The following PPP4R4 variants were observed in gnomAD, a reference collection of about 807,000 sequenced individuals.
PPP4R4 encodes protein phosphatase 4 regulatory subunit 4, also known as serine/threonine-protein phosphatase 4 regulatory subunit 4.
Under a neutral mutation model 121.8 loss-of-function variants are expected in PPP4R4, and 70 were observed. The ratio of observed to expected loss-of-function variants is 0.57; its 90% CI spans 0.47 to 0.70. PPP4R4 has a LOEUF of 0.70. Ranked by LOEUF, PPP4R4 falls within the 30% of genes least tolerant of loss-of-function variation. PPP4R4 has a pLI of 0.00. For missense variants in PPP4R4, 875 were observed against 1,033.6 expected (o/e 0.85, Z 2.10); for synonymous variants, 348 against 355.7 (o/e 0.98, Z 0.24).
At chr14:94,183,983 T>C (rs1889126228) in intron 2 of PPP4R4, among the ~76,000 whole-genome samples, 1 of 152,162 alleles carries the variant, frequency 6.6e-6, no homozygotes, top group African/African-American at 2.4e-5. Context: ...AATCATATTA[T>C]AACATATGTA....
chr14:94,221,972 T>A (rs1182566592), intron 3 of PPP4R4, among the ~76,000 whole-genome samples: 1 of 152,056 alleles, frequency 6.6e-6, no homozygotes, highest in Admixed American at 6.6e-5. Context: ...GATGGATAAG[T>A]CAATTGTGGT....
intron 2 of PPP4R4, among the ~76,000 whole-genome samples, chr14:94,185,918 C>T (rs1889251915): frequency 6.6e-6 from 1 of 152,136 alleles, no homozygotes; most frequent in Non-Finnish European, 1.5e-5. Context: ...TCATCACCCC[C>T]ACAAAAGCCA....
rs117530439 is a variant in PPP4R4 at position 94,228,880 on chromosome 14, G to C, written c.295-1707G>C. ...GTAATGAATAAACTGGTAAAGGGGG[G>C]TAGTGAGAACTGGGATAAGGAGGTG... is the stretch of plus-strand genomic sequence containing the variant. On this transcript the variant is annotated intron_variant, in intron 3 of 24. Coordinates refer to ENST00000304338, the MANE Select transcript of PPP4R4 (RefSeq NM_058237.2). 5.0e-3 allele frequency among the ~76,000 whole-genome samples: 764 copies of C among 152,250 alleles called. 2 individuals are homozygous for C. The highest frequency in any genetic ancestry group is 8.5e-3 in the South Asian group (41 of 4,830).
intron 3 of PPP4R4, among the ~76,000 whole-genome samples, chr14:94,225,676 A>G (rs557595946): frequency 6.6e-6 from 1 of 152,340 alleles, no homozygotes; most frequent in African/African-American, 2.4e-5. Context: ...TATAGTCAAC[A>G]GGAATCACTG....
intron 2 of PPP4R4, among the ~76,000 whole-genome samples, chr14:94,188,926 C>A (rs1889443930): frequency 1.3e-5 from 2 of 152,028 alleles, no homozygotes; most frequent in African/African-American, 4.8e-5. Context: ...GAATATGCAG[C>A]ATTTTTGTCA....
intron 2 of PPP4R4, 67 bp from the exon 3 acceptor site, chr14:94,208,397 T>A (rs1224551416): frequency 8.3e-7 from 1 of 1,210,558 alleles, no homozygotes. Flanking sequence ...TAGTCCATAC[T>A]TTTTATAACT....
At chr14:94,249,825 C>T (rs1893086448) in intron 14 of PPP4R4, among the ~76,000 whole-genome samples, 1 of 151,870 alleles carries the variant, frequency 6.6e-6, no homozygotes, top group Admixed American at 6.6e-5. Flanking sequence ...CATGTTATAG[C>T]AAATGTTTGT....
rs1251506476 is a variant in PPP4R4 at position 94,230,589 on chromosome 14, A to C, written c.297A>C (p.Glu99Asp). 1.2e-6 allele frequency: 2 copies of C among 1,609,654 alleles called. No homozygotes were observed. Among genetic ancestry groups the C allele is most frequent in the Admixed American group, 3.4e-5 (2 of 59,660 alleles). Residue 99 changes from glutamate to aspartate, a missense_variant and splice_region_variant, in exon 4 of 25, where the codon GAA becomes GAC. By Grantham distance (45) the Glu-to-Asp change is conservative. Transcript: ENST00000304338. ...GCAAACTCTTTCTGATTATACAGGA[A>C]GCCCTGCATGTTGCAGGAGTGGAAA... ...TLRRVLPKVR[E>D]ALHVAGVEMQ...
intron 22 of PPP4R4, 46 bp from the exon 23 acceptor site, chr14:94,266,913 A>T (rs1249424149): frequency 8.0e-7 from 1 of 1,249,122 alleles, no homozygotes; most frequent in Non-Finnish European, 1.2e-6. Flanking sequence ...CTGAGATTGT[A>T]AGAAGTGTGT....
intron 2 of PPP4R4, among the ~76,000 whole-genome samples, chr14:94,180,469 A>G (rs1258649406): frequency 6.6e-6 from 1 of 152,156 alleles, no homozygotes; most frequent in Non-Finnish European, 1.5e-5. Context: ...TAATGTACTG[A>G]GACTAGCTTT....
intron 3 of PPP4R4, among the ~76,000 whole-genome samples, chr14:94,213,476 C>T (rs1345109241): frequency 1.3e-5 from 2 of 152,124 alleles, no homozygotes; most frequent in Non-Finnish European, 2.9e-5. Flanking sequence ...AGATATTGGG[C>T]CCTAATCCCT....
At chr14:94,230,950 A>T (rs1892000676) in intron 4 of PPP4R4, among the ~76,000 whole-genome samples, 2 of 152,198 alleles carry the variant, frequency 1.3e-5, no homozygotes, top group South Asian at 4.1e-4. Context: ...AATTCATCTT[A>T]TGATTTATAC....
At position 94,176,141 on chromosome 14, in the gene PPP4R4, T is replaced by C; in HGVS notation, c.191+14T>C. The C allele has an allele frequency of 6.3e-7, 1 of 1,590,206 alleles. No homozygotes were observed. The highest frequency in any genetic ancestry group is 1.1e-5 in the South Asian group (1 of 90,614). On this transcript the variant is annotated intron_variant, in intron 2 of 24. Coordinates refer to ENST00000304338, the MANE Select transcript of PPP4R4 (RefSeq NM_058237.2). ...TTATCTGCTCAGGTATTTCCTAGTC[T>C]TTCTGTGAAATTGCTCTTCTTTTTT...
chr14:94,258,723 G>T (rs866520826), intron 17 of PPP4R4, 60 bp from the exon 18 acceptor site: 7 of 1,267,272 alleles, frequency 5.5e-6, no homozygotes, highest in African/African-American at 1.5e-5. Flanking sequence ...AAGTTGCTGA[G>T]AAATGATTGG....
In PPP4R4 at chr14:94,223,044, G is replaced by C. The variant is rs1000223079; in HGVS notation, c.295-7543G>C. Reference sequence around the variant, plus strand: ...TTATTTTGATTATTGTATTTATCTAGTCTAGAATTTCCATTTAGCTTTTTA... The same window carrying C: ...TTATTTTGATTATTGTATTTATCTACTCTAGAATTTCCATTTAGCTTTTTA... On this transcript the variant is annotated intron_variant, in intron 3 of 24. Transcript: ENST00000304338. Among the ~76,000 whole-genome samples, 4 of 151,604 alleles carry C rather than the reference G, an allele frequency of 2.6e-5. No individual in the cohort carries two copies. The South Asian group carries it at 8.3e-4, about 32-fold the overall frequency.
At position 94,241,872 on chromosome 14, in the gene PPP4R4, A is replaced by G; in HGVS notation, c.1061A>G (p.His354Arg). 6 of 1,610,396 alleles carry G rather than the reference A, an allele frequency of 3.7e-6. No homozygotes were observed. Among genetic ancestry groups the G allele is most frequent in the Non-Finnish European group, 5.1e-6 (6 of 1,177,838 alleles). Residue 354 changes from histidine to arginine, a missense_variant, in exon 10 of 25, where the codon CAC (histidine) becomes CGC (arginine). Coordinates refer to ENST00000304338, the MANE Select transcript of PPP4R4 (RefSeq NM_058237.2). Reference protein sequence around the residue: ...CTLGLQQENGHNENQIPPQIL... With the variant: ...CTLGLQQENGRNENQIPPQIL... ...TTGGGTTTGCAACAAGAAAATGGAC[A>G]CAATGAAAACCAGATTCCACCCCAA...
At chr14:94,277,890 G>A (rs1296334818) in intron 24 of PPP4R4, among the ~76,000 whole-genome samples, 1 of 152,106 alleles carries the variant, frequency 6.6e-6, no homozygotes, top group African/African-American at 2.4e-5. Flanking sequence ...TCTAAAGGAG[G>A]GACGTTGATA....
chr14:94,178,234 C>T (rs1468227010), intron 2 of PPP4R4, among the ~76,000 whole-genome samples: 1 of 151,880 alleles, frequency 6.6e-6, no homozygotes, highest in Non-Finnish European at 1.5e-5. Context: ...TCCTTTTTTT[C>T]TAGTTTGTAC....
intron 5 of PPP4R4, among the ~76,000 whole-genome samples, chr14:94,231,608 G>A (rs1892042120): frequency 6.6e-6 from 1 of 151,970 alleles, no homozygotes; most frequent in African/African-American, 2.4e-5. Context: ...TTTATATATG[G>A]TTGTTTTTCA....
Sources: gnomAD v4.1 joint callset for allele counts (sites outside exome capture counted in the v4.1 genomes callset) on GRCh38, gnomAD v4.1.1 for gene constraint, MANE v1.5 for transcripts, NCBI Gene and HGNC (gene_info 2026-07-23, HGNC 2026-07-21) for gene names.